The following PRKCB variants were observed in gnomAD, a reference collection of about 807,000 sequenced individuals.
PRKCB encodes protein kinase C beta.
PRKCB carries 13 observed loss-of-function variants against 81.5 expected under a neutral mutation model. That is an observed-to-expected ratio of 0.16 (90% confidence interval 0.10 to 0.25). The LOEUF is 0.25. Ranked by LOEUF, PRKCB falls within the 10% of genes least tolerant of loss-of-function variation. The pLI is 1.00. For synonymous variants in PRKCB, 335 were observed against 321.4 expected (o/e 1.04, Z -0.45); for missense variants, 509 against 875.7 (o/e 0.58, Z 5.29).
intron 2 of PRKCB, among the ~76,000 whole-genome samples, chr16:23,866,638 C>A (rs571432976): frequency 6.6e-6 from 1 of 152,150 alleles, no homozygotes. Flanking sequence ...AACAGCATGG[C>A]AATGAGCATC....
At chr16:23,883,805 TA>T (rs1221907402) in intron 2 of PRKCB, among the ~76,000 whole-genome samples, 4 of 152,172 alleles carry the variant, frequency 2.6e-5, no homozygotes, top group Non-Finnish European at 5.9e-5. Flanking sequence ...AGCAATCCCA[TA>T]ACCACATTTT....
At chr16:24,185,623 G>A (rs1967692041) in intron 15 of PRKCB, 56 bp downstream of exon 15, 15 of 1,456,730 alleles carry the variant, frequency 1.0e-5, no homozygotes, top group Middle Eastern at 3.5e-4. Context: ...CATGTGGGCT[G>A]TACCTTGCCC....
chr16:23,912,507 CTTTTTT>C (rs1210105406), intron 2 of PRKCB, among the ~76,000 whole-genome samples: 93 of 72,082 alleles, frequency 1.3e-3, no homozygotes, highest in African/African-American at 2.3e-3. Flanking sequence ...TTTCTTTCTT[CTTTTTT>C]TTTTTTTTTT....
chr16:24,159,405 C>G (rs567537118), intron 10 of PRKCB, among the ~76,000 whole-genome samples: 8 of 152,272 alleles, frequency 5.3e-5, no homozygotes, highest in Non-Finnish European at 1.0e-4. Flanking sequence ...ATGATACAAA[C>G]AAGAACAAAA....
intron 12 of PRKCB, 30 bp downstream of exon 12, chr16:24,174,610 C>T (rs750621769): frequency 1.4e-5 from 22 of 1,573,648 alleles, no homozygotes; most frequent in Non-Finnish European, 1.8e-5. Context: ...CTTTCCATCT[C>T]TTCATCTCCC....
At position 24,196,300 on chromosome 16, in the gene PRKCB, A is replaced by G. The variant is rs9936208; in HGVS notation, c.1863+5070A>G. ...GGAACATAAAGGAGTCTTTTGGGAT[A>G]TATATTAGAGTGCATGGTGTTTTTC... On this transcript the variant is annotated intron_variant, in intron 16 of 16. Transcript: ENST00000643927. Among the ~76,000 whole-genome samples the G allele has an allele frequency of 2.1e-3, 327 of 152,336 alleles. 1 individual carries two copies. The highest frequency in any genetic ancestry group is 7.4e-3 in the African/African-American group (309 of 41,578).
intron 2 of PRKCB, among the ~76,000 whole-genome samples, chr16:23,882,456 C>T (rs1411577477): frequency 6.6e-6 from 1 of 152,130 alleles, no homozygotes; most frequent in Non-Finnish European, 1.5e-5. Context: ...AACTCCTGGC[C>T]TCAAGTGATC....
chr16:24,110,510 C>CTTTTTT lies in PRKCB; in HGVS notation c.822-2446_822-2441dup, dbSNP rs1211090636. On this transcript the variant is annotated intron_variant, in intron 7 of 16. Transcript: ENST00000643927. The stretch of plus-strand genomic sequence containing the variant: ...ACAGGCATAAGCCACCATGCCCAAC[C>CTTTTTT]TTTTTTTTTTTTTTTTTTTTTTGAG... Among the ~76,000 whole-genome samples the CTTTTTT allele has an allele frequency of 5.1e-3, 564 of 111,108 alleles. 38 individuals carry two copies. Among genetic ancestry groups the CTTTTTT allele is most frequent in the African/African-American group, 0.023 (510 of 22,300 alleles). The allele number at this position is 111,108 out of a possible 152,430, so 72.9% of individuals were successfully genotyped here. A position where few individuals can be genotyped will look rare whatever the true frequency, so the allele number is the denominator to read the frequency against.
chr16:24,176,626 C>T (rs1967535883), intron 12 of PRKCB, among the ~76,000 whole-genome samples: 1 of 152,174 alleles, frequency 6.6e-6, no homozygotes, highest in African/African-American at 2.4e-5. Flanking sequence ...GGCGCAGTGG[C>T]TCATGCCTGT....
intron 2 of PRKCB, among the ~76,000 whole-genome samples, chr16:23,894,546 A>G (rs1052195979): frequency 7.9e-5 from 12 of 152,178 alleles, no homozygotes; most frequent in African/African-American, 2.4e-4. Flanking sequence ...TGAAGAGTAC[A>G]TGCTTTGTGA....
Position 24,215,949 on chromosome 16 carries a change from T to G in PRKCB, c.*1133T>G, listed in dbSNP as rs1304431878. 5 of 984,530 alleles carry G rather than the reference T, an allele frequency of 5.1e-6. No individual in the cohort carries two copies. In the African/African-American group the frequency reaches 8.8e-5, roughly 17 times the overall value. The allele number at this position is 984,530 out of a possible 1,614,324, so 61.0% of individuals were successfully genotyped here. ...AAATGTTCATTTGTATCTGGATCTCTGTTATGTGCCATTTTTCTTCTAGCA... is the reference window on the plus strand; with the variant it reads ...AAATGTTCATTTGTATCTGGATCTCGGTTATGTGCCATTTTTCTTCTAGCA... On this transcript the variant is annotated 3_prime_UTR_variant, in exon 17 of 17. Coordinates refer to ENST00000643927, the MANE Select transcript of PRKCB (RefSeq NM_002738.7).
intron 2 of PRKCB, among the ~76,000 whole-genome samples, chr16:23,863,187 C>CATACATACGTATATATGTGTATAT (rs1962707701): frequency 7.9e-6 from 1 of 126,106 alleles, no homozygotes; most frequent in African/African-American, 3.6e-5. Context: ...TATGTGTATA[C>CATACATACGTATATATGTGTATAT]ATACATACGT....
chr16:24,192,769 C>T (rs79157558), intron 16 of PRKCB, among the ~76,000 whole-genome samples: 2,453 of 152,228 alleles, frequency 0.016, 77 homozygotes, highest in African/African-American at 0.056. Flanking sequence ...GAATGAAGTT[C>T]TTGGTCTCCA....
chr16:24,104,705 C>T (rs415587), intron 7 of PRKCB, among the ~76,000 whole-genome samples: 1 of 151,870 alleles, frequency 6.6e-6, no homozygotes, highest in South Asian at 2.1e-4. Flanking sequence ...TCTTAGGCAG[C>T]GAGGACGGCA....
intron 5 of PRKCB, among the ~76,000 whole-genome samples, chr16:24,065,531 T>G (rs1304414672): frequency 1.3e-5 from 2 of 152,246 alleles, no homozygotes; most frequent in African/African-American, 2.4e-5. Context: ...ACATGTGATT[T>G]AAACTACATT....
At chr16:24,017,538 C>A (rs559855606) in intron 3 of PRKCB, among the ~76,000 whole-genome samples, 1 of 151,804 alleles carries the variant, frequency 6.6e-6, no homozygotes, top group Non-Finnish European at 1.5e-5. Flanking sequence ...ATGCGTTATA[C>A]GTTGAAAAAA....
intron 2 of PRKCB, among the ~76,000 whole-genome samples, chr16:23,914,546 C>T (rs1199136857): frequency 6.6e-6 from 1 of 152,170 alleles, no homozygotes; most frequent in African/African-American, 2.4e-5. Context: ...CTGGACACCA[C>T]CCCTTGGTTG....
At chr16:24,123,010 G>A (rs936208851) in intron 8 of PRKCB, among the ~76,000 whole-genome samples, 1 of 152,188 alleles carries the variant, frequency 6.6e-6, no homozygotes, top group Non-Finnish European at 1.5e-5. Flanking sequence ...TAGTTGTCAG[G>A]AAAACCATGG....
intron 7 of PRKCB, among the ~76,000 whole-genome samples, chr16:24,096,666 A>AAATATATATATAT (rs1406204037): frequency 1.5e-4 from 5 of 32,702 alleles, no homozygotes; most frequent in South Asian, 1.5e-3. Flanking sequence ...AAAAAAAAAA[A>AAATATATATATAT]ATATATATAT....
Sources: allele counts gnomAD v4.1 joint callset (sites outside exome capture counted in the v4.1 genomes callset), GRCh38; gene constraint gnomAD v4.1.1; transcripts MANE v1.5; gene names NCBI Gene and HGNC (gene_info 2026-07-23, HGNC 2026-07-21).